MACROD2: variants seen among roughly 807,000 people sequenced by gnomAD.
The protein encoded by MACROD2 is mono-ADP ribosylhydrolase 2.
A neutral mutation model predicts 70.4 loss-of-function variants in MACROD2; 36 were observed. The ratio of observed to expected loss-of-function variants is 0.51; its 90% CI spans 0.39 to 0.68. The LOEUF (loss-of-function observed/expected upper bound fraction) is 0.68. Ranked by LOEUF, MACROD2 falls within the 30% of genes least tolerant of loss-of-function variation. The probability of loss-of-function intolerance (pLI) is 0.00; values close to 1 mark genes in which losing one functional copy is unlikely to be tolerated. For missense variants in MACROD2, 496 were observed against 538.4 expected (o/e 0.92, Z 0.78); for synonymous variants, 172 against 178.8 (o/e 0.96, Z 0.30).
intron 4 of MACROD2, among the ~76,000 whole-genome samples, chr20:14,536,543 T>C (rs149339442): frequency 1.5e-3 from 233 of 152,194 alleles, no homozygotes; most frequent in African/African-American, 5.3e-3. Flanking sequence ...AAGGAATCTT[T>C]AGGAGCAAAA....
At chr20:15,957,726 G>A (rs550745247) in intron 12 of MACROD2, among the ~76,000 whole-genome samples, 7 of 152,312 alleles carry the variant, frequency 4.6e-5, no homozygotes, top group East Asian at 1.9e-4. Flanking sequence ...GGGTCAGGGC[G>A]GGTACTTAGG....
intron 8 of MACROD2, among the ~76,000 whole-genome samples, chr20:15,761,866 T>C (rs942010220): frequency 6.6e-6 from 1 of 152,246 alleles, no homozygotes; most frequent in Non-Finnish European, 1.5e-5. Context: ...GACCTTTGAT[T>C]TCCTTCTCAG....
chr20:14,426,744 C>A lies in MACROD2; in HGVS notation c.272-66735C>A, dbSNP rs986480832. Among the ~76,000 whole-genome samples the A allele has an allele frequency of 3.3e-5, 5 of 152,110 alleles. No individual in the cohort carries two copies. The East Asian group carries it at 7.7e-4, about 23-fold the overall frequency. On this transcript the variant is annotated intron_variant, in intron 3 of 17. Transcript: ENST00000684519. ...AGCCTCCTTCCTGTGGAGGGAGTAC[C>A]TAGCATCTTCAGAGCCCCCATTAGG...
At chr20:15,387,813 C>T (rs1045363986) in intron 6 of MACROD2, among the ~76,000 whole-genome samples, 9 of 151,534 alleles carry the variant, frequency 5.9e-5, no homozygotes, top group East Asian at 1.9e-4. Context: ...TCATAGCTCA[C>T]CGCAGCCTTG....
intron 8 of MACROD2, among the ~76,000 whole-genome samples, chr20:15,745,146 ATAGT>A (rs1442073093): frequency 1.3e-5 from 2 of 152,098 alleles, no homozygotes; most frequent in African/African-American, 2.4e-5. Flanking sequence ...TGGTTGGGAG[ATAGT>A]TAGATTGCTT....
chr20:15,315,279 G>A (rs886834371), intron 6 of MACROD2, among the ~76,000 whole-genome samples: 1 of 152,110 alleles, frequency 6.6e-6, no homozygotes, highest in African/African-American at 2.4e-5. Context: ...CAAAAGAATA[G>A]CCAAAGAAAT....
At chr20:15,305,133 T>G (rs768645454) in intron 6 of MACROD2, among the ~76,000 whole-genome samples, 11 of 152,204 alleles carry the variant, frequency 7.2e-5, no homozygotes, top group African/African-American at 1.2e-4. Context: ...ACTCCATGTG[T>G]GACCCTGGGC....
chr20:14,743,698 G>C (rs1275255041), intron 5 of MACROD2, among the ~76,000 whole-genome samples: 1 of 152,190 alleles, frequency 6.6e-6, no homozygotes, highest in Non-Finnish European at 1.5e-5. Flanking sequence ...ACACGCGATA[G>C]TAGGTTGAAT....
chr20:14,583,386 G>A (rs1417103975), intron 4 of MACROD2, among the ~76,000 whole-genome samples: 3 of 152,088 alleles, frequency 2.0e-5, no homozygotes, highest in Non-Finnish European at 4.4e-5. Flanking sequence ...GGCAACCCTG[G>A]GAGGCATCTG....
In MACROD2 at chr20:15,207,521, C is replaced by T. The variant is rs1021376295; in HGVS notation, c.419-22419C>T. ...GCAGTGGCATGATCTCAGCTTACTG[C>T]AACCTCTGCCTCCCAGGTTCAAGTG... On this transcript the variant is annotated intron_variant, in intron 5 of 17. Coordinates refer to ENST00000684519, the MANE Select transcript of MACROD2 (RefSeq NM_001351661.2). 2.1e-5 allele frequency among the ~76,000 whole-genome samples: 3 copies of T among 141,592 alleles called. No individual in the cohort carries two copies. The Admixed American group carries it at 2.2e-4, about 10-fold the overall frequency. The allele number at this position is 141,592 out of a possible 152,430, so 92.9% of individuals were successfully genotyped here. A position where few individuals can be genotyped will look rare whatever the true frequency, so the allele number is the denominator to read the frequency against.
intron 7 of MACROD2, among the ~76,000 whole-genome samples, chr20:15,483,621 A>G (rs945180865): frequency 2.0e-5 from 3 of 152,194 alleles, no homozygotes; most frequent in Admixed American, 6.5e-5. Context: ...CATTGAAAAT[A>G]TAGATTCTTC....
intron 12 of MACROD2, among the ~76,000 whole-genome samples, chr20:15,944,284 CA>C (rs1204153379): frequency 5.9e-5 from 9 of 151,538 alleles, no homozygotes; most frequent in East Asian, 1.9e-4. Flanking sequence ...GTTTATTACA[CA>C]AAAAAAATAA....
chr20:14,217,553 A>G (rs150280551), intron 3 of MACROD2, among the ~76,000 whole-genome samples: 517 of 151,916 alleles, frequency 3.4e-3, no homozygotes, highest in East Asian at 0.011. Flanking sequence ...CCTTCTTTCT[A>G]TATCTTGTGG....
rs73614429 is a variant in MACROD2, at chr20:15,684,946, A to G, written c.646-177799A>G. 0.015 allele frequency among the ~76,000 whole-genome samples: 2,239 copies of G among 152,282 alleles called. 148 individuals carry two copies. The East Asian group carries it at 0.2, about 14-fold the overall frequency. On this transcript the variant is annotated intron_variant, in intron 8 of 17. Coordinates refer to ENST00000684519, the MANE Select transcript of MACROD2 (RefSeq NM_001351661.2). ...GGAAATCACTCAAATCCTTTGGGAC[A>G]CTCATTTATAAGCTCTATGAAATCT...
At chr20:14,252,107 G>A (rs1028852644) in intron 3 of MACROD2, among the ~76,000 whole-genome samples, 4 of 152,034 alleles carry the variant, frequency 2.6e-5, no homozygotes, top group Admixed American at 6.6e-5. Flanking sequence ...ATATCGGAGG[G>A]TAACTGTTTC....
intron 6 of MACROD2, among the ~76,000 whole-genome samples, chr20:15,300,001 C>T (rs2146124009): frequency 6.6e-6 from 1 of 152,284 alleles, no homozygotes; most frequent in South Asian, 2.1e-4. Flanking sequence ...GTTATGGCCC[C>T]TTCTTGCTTT....
intron 5 of MACROD2, among the ~76,000 whole-genome samples, chr20:15,166,338 C>T (rs981388129): frequency 6.6e-6 from 1 of 152,098 alleles, no homozygotes; most frequent in African/African-American, 2.4e-5. Flanking sequence ...GAGATGAATG[C>T]CCTTATGAAA....
chr20:14,453,730 C>A (rs1352013903), intron 3 of MACROD2, among the ~76,000 whole-genome samples: 1 of 151,976 alleles, frequency 6.6e-6, no homozygotes, highest in Non-Finnish European at 1.5e-5. Context: ...ACCTATAGAT[C>A]CACTACCTAA....
intron 5 of MACROD2, among the ~76,000 whole-genome samples, chr20:15,147,209 G>T (rs535881045): frequency 1.3e-5 from 2 of 152,138 alleles, no homozygotes; most frequent in Non-Finnish European, 2.9e-5. Context: ...TTAATTCATG[G>T]TACTTTTTCC....
Sources: allele counts gnomAD v4.1 joint callset (sites outside exome capture counted in the v4.1 genomes callset), GRCh38; gene constraint gnomAD v4.1.1; transcripts MANE v1.5; gene names NCBI Gene and HGNC (gene_info 2026-07-23, HGNC 2026-07-21).